Variants in ULK4 observed in about 807,000 individuals in gnomAD.
The protein encoded by ULK4 is inactive serine/threonine-protein kinase ULK4.
Under a neutral mutation model 160.6 loss-of-function variants are expected in ULK4, and 133 were observed. The observed-to-expected ratio is 0.83, with a 90% CI of 0.72 to 0.96. The LOEUF (loss-of-function observed/expected upper bound fraction) is 0.96, where lower values mean the gene tolerates loss of function less well. ULK4 is among the 40% of genes least tolerant of loss of function. The pLI is 0.00. For missense variants in ULK4, 1,580 were observed against 1,499.5 expected (o/e 1.05, Z -0.89); for synonymous variants, 534 against 539.8 (o/e 0.99, Z 0.15).
At chr3:41,858,131 A>C (rs1260008301) in intron 17 of ULK4, among the ~76,000 whole-genome samples, 1 of 128,594 alleles carries the variant, frequency 7.8e-6, no homozygotes, top group African/African-American at 3.2e-5. Context: ...TGTATCCCAT[A>C]GGGTTTTTTT....
At chr3:41,789,603 T>A in intron 21 of ULK4, 58 bp downstream of exon 21, 1 of 1,450,806 alleles carries the variant, frequency 6.9e-7, no homozygotes, top group Non-Finnish European at 9.2e-7. Flanking sequence ...GTGGAACCAC[T>A]AAAATGCAGA....
In ULK4 at chr3:41,953,304, A is replaced by ATTTT. The variant is rs60007502; in HGVS notation, c.138+1314_138+1317dup. Among the ~76,000 whole-genome samples, 31 of 124,790 alleles carry ATTTT rather than the reference A, an allele frequency of 2.5e-4. 1 individual carries two copies. Among genetic ancestry groups the ATTTT allele is most frequent in the African/African-American group, 3.7e-4 (12 of 32,078 alleles). 81.9% of individuals were successfully genotyped at this position (124,790 alleles called of 152,430 possible). A position where few individuals can be genotyped will look rare whatever the true frequency, so the allele number is the denominator to read the frequency against. On this transcript the variant is annotated intron_variant, in intron 2 of 36. Transcript: ENST00000301831. ...TATACACATATATATATATATATAT[A>ATTTT]TTTTTTTTTTTTTTTGAGATGGAGT... is the stretch of plus-strand genomic sequence containing the variant.
At position 41,449,527 on chromosome 3, in the gene ULK4, T is replaced by C. The variant is rs969265023; in HGVS notation, c.3492+5970A>G. Among the ~76,000 whole-genome samples the C allele has an allele frequency of 3.3e-5, 5 of 151,936 alleles. No individual in the cohort carries two copies. The East Asian group carries it at 9.7e-4, about 29-fold the overall frequency. ...CTAATAAAATCCCCAATCTCTTGGGTTTGACTTGCAAAAAGACTACTACTA... is the reference window on the plus strand; with the variant it reads ...CTAATAAAATCCCCAATCTCTTGGGCTTGACTTGCAAAAAGACTACTACTA... On this transcript the variant is annotated intron_variant, in intron 34 of 36. Coordinates refer to ENST00000301831, the MANE Select transcript of ULK4 (RefSeq NM_017886.4).
At chr3:41,578,729 G>C (rs1346427317) in intron 31 of ULK4, among the ~76,000 whole-genome samples, 2 of 152,154 alleles carry the variant, frequency 1.3e-5, no homozygotes, top group Admixed American at 1.3e-4. Flanking sequence ...TTTGGAAGAA[G>C]GGACTAATAA....
At chr3:41,803,641 C>T (rs887512834) in intron 19 of ULK4, among the ~76,000 whole-genome samples, 2 of 152,274 alleles carry the variant, frequency 1.3e-5, no homozygotes, top group Admixed American at 6.5e-5. Context: ...CCCACTCCCC[C>T]TACCCCACAA....
At chr3:41,866,095 A>T (rs1011419240) in intron 17 of ULK4, among the ~76,000 whole-genome samples, 1 of 147,734 alleles carries the variant, frequency 6.8e-6, no homozygotes, top group Non-Finnish European at 1.5e-5. Context: ...TGATAGGGAG[A>T]TAACAGTCAA....
intron 35 of ULK4, among the ~76,000 whole-genome samples, chr3:41,384,990 G>A (rs530281365): frequency 3.9e-5 from 6 of 152,096 alleles, no homozygotes; most frequent in Non-Finnish European, 7.4e-5. Context: ...CTGAGGTCAA[G>A]GCTGCAGTCC....
At chr3:41,722,584 T>C (rs2037511789) in intron 22 of ULK4, among the ~76,000 whole-genome samples, 3 of 152,082 alleles carry the variant, frequency 2.0e-5, no homozygotes, top group Admixed American at 2.0e-4. Context: ...TAAGCCGAGA[T>C]GGCACCACTG....
At chr3:41,831,158 G>A (rs192028778) in intron 18 of ULK4, among the ~76,000 whole-genome samples, 158 of 152,050 alleles carry the variant, frequency 1.0e-3, no homozygotes, top group African/African-American at 3.7e-3. Flanking sequence ...TTCCCAAGTA[G>A]CTGGGACTAC....
intron 31 of ULK4, among the ~76,000 whole-genome samples, chr3:41,598,163 C>T (rs1191805374): frequency 6.6e-6 from 1 of 152,122 alleles, no homozygotes; most frequent in African/African-American, 2.4e-5. Context: ...ATGACCAGTT[C>T]CTCACTCCCT....
intron 35 of ULK4, among the ~76,000 whole-genome samples, chr3:41,286,926 G>A (rs1006775151): frequency 6.6e-6 from 1 of 152,186 alleles, no homozygotes; most frequent in African/African-American, 2.4e-5. Flanking sequence ...TGCACTTATA[G>A]GGACCAGAAG....
intron 2 of ULK4, among the ~76,000 whole-genome samples, chr3:41,953,299 TA>T (rs1700360052): frequency 8.9e-6 from 1 of 112,176 alleles, no homozygotes; most frequent in African/African-American, 4.1e-5. Context: ...TATATATATA[TA>T]TATATTTTTT....
chr3:41,859,143 C>T (rs572921614), intron 17 of ULK4, among the ~76,000 whole-genome samples: 2 of 152,280 alleles, frequency 1.3e-5, no homozygotes, highest in East Asian at 3.9e-4. Flanking sequence ...TAAGTAGGGA[C>T]ATAATTCGTT....
intron 18 of ULK4, among the ~76,000 whole-genome samples, chr3:41,831,418 GTTT>G (rs35015207): frequency 7.3e-6 from 1 of 137,570 alleles, no homozygotes. Flanking sequence ...TATACTAGTC[GTTT>G]TTTTTTTTTT....
chr3:41,426,024 T>C lies in ULK4; in HGVS notation c.3493-27760A>G, dbSNP rs151304439. Among the ~76,000 whole-genome samples the C allele has an allele frequency of 2.7e-3, 417 of 152,242 alleles. 4 individuals carry two copies. Among genetic ancestry groups the C allele is most frequent in the African/African-American group, 9.6e-3 (398 of 41,552 alleles). ...ACTAAAGATCCATCAGTGTGCTGTATTCAAGAGACCCATCTCACATACAAA... is the reference window on the plus strand; with the variant it reads ...ACTAAAGATCCATCAGTGTGCTGTACTCAAGAGACCCATCTCACATACAAA... On this transcript the variant is annotated intron_variant, in intron 34 of 36. Coordinates refer to ENST00000301831, the MANE Select transcript of ULK4 (RefSeq NM_017886.4).
intron 5 of ULK4, among the ~76,000 whole-genome samples, chr3:41,927,491 A>G (rs1225201206): frequency 6.6e-6 from 1 of 152,180 alleles, no homozygotes; most frequent in African/African-American, 2.4e-5. Context: ...AAATTCACAC[A>G]TAACAATATT....
rs79738610 is a variant in ULK4 at position 41,728,585 on chromosome 3, C to T, written c.2322-10724G>A. ...GGACAAACATCCAAACTCTAGAAGC[C>T]ATTAGATTAAATGAGATCACTCCAA... is the stretch of plus-strand genomic sequence containing the variant. On this transcript the variant is annotated intron_variant, in intron 22 of 36. Transcript: ENST00000301831. Among the ~76,000 whole-genome samples the T allele has an allele frequency of 6.8e-3, 1,032 of 152,016 alleles. 44 individuals are homozygous for T. In the East Asian group the frequency reaches 0.12, roughly 18 times the overall value.
intron 17 of ULK4, chr3:41,859,340 A>T (rs1039205636): frequency 1.7e-6 from 1 of 594,390 alleles, no homozygotes; most frequent in Non-Finnish European, 3.3e-6. Context: ...TGTAGAGCAC[A>T]TCTTCCTCCT....
intron 35 of ULK4, among the ~76,000 whole-genome samples, chr3:41,365,380 T>C (rs2081235827): frequency 6.6e-6 from 1 of 152,236 alleles, no homozygotes. Context: ...ATATTTTTCA[T>C]GTCCTAATGT....
Sources: gnomAD v4.1 joint callset for allele counts (sites outside exome capture counted in the v4.1 genomes callset) on GRCh38, gnomAD v4.1.1 for gene constraint, MANE v1.5 for transcripts, NCBI Gene and HGNC (gene_info 2026-07-23, HGNC 2026-07-21) for gene names.